CDH12: variants seen among roughly 807,000 people sequenced by gnomAD.
CDH12 encodes the protein cadherin 12.
Under a neutral mutation model 74.1 loss-of-function variants are expected in CDH12, and 41 were observed. The observed-to-expected ratio is 0.55, with a 90% confidence interval of 0.43 to 0.72. The LOEUF is 0.72. CDH12 is among the 30% of genes least tolerant of loss of function. The probability of loss-of-function intolerance (pLI) is 0.00; values close to 1 mark genes in which losing one functional copy is unlikely to be tolerated. For synonymous variants in CDH12, 399 were observed against 355.0 expected, an observed-to-expected ratio of 1.12 and a Z score of -1.39; for missense variants, 945 against 977.2, an observed-to-expected ratio of 0.97 and a Z score of 0.44.
intron 1 of CDH12, among the ~76,000 whole-genome samples, chr5:22,833,621 T>A (rs1242626433): frequency 6.6e-6 from 1 of 152,168 alleles, no homozygotes; most frequent in African/African-American, 2.4e-5. Context: ...GAAAACTAGG[T>A]CATGGTTTCT....
At chr5:22,225,530 C>A (rs539287840) in intron 3 of CDH12, among the ~76,000 whole-genome samples, 6 of 152,166 alleles carry the variant, frequency 3.9e-5, no homozygotes, top group African/African-American at 9.6e-5. Context: ...TAAGACAATC[C>A]TACTGTTTTT....
chr5:22,510,195 C>T (rs750132263), intron 1 of CDH12, among the ~76,000 whole-genome samples: 18 of 152,000 alleles, frequency 1.2e-4, no homozygotes, highest in South Asian at 2.1e-4. Context: ...GCATGTCAAA[C>T]ACATAACAAA....
At chr5:22,246,500 T>G (rs2150384432) in intron 3 of CDH12, among the ~76,000 whole-genome samples, 1 of 152,286 alleles carries the variant, frequency 6.6e-6, no homozygotes, top group Middle Eastern at 3.4e-3. Context: ...AAGAAAATGA[T>G]AATACATTTA....
At chr5:22,262,891 T>G (rs1490408449) in intron 3 of CDH12, among the ~76,000 whole-genome samples, 2 of 151,698 alleles carry the variant, frequency 1.3e-5, no homozygotes, top group African/African-American at 4.8e-5. Context: ...ACCATCAGAG[T>G]GAACAGGCAA....
At chr5:22,037,446 G>T (rs1739268718) in intron 5 of CDH12, among the ~76,000 whole-genome samples, 1 of 152,116 alleles carries the variant, frequency 6.6e-6, no homozygotes. Context: ...AAGTATTCAG[G>T]CAACCCTTGT....
intron 6 of CDH12, chr5:21,882,459 T>C (rs1752401181): frequency 1.1e-5 from 7 of 651,304 alleles, no homozygotes; most frequent in Admixed American, 2.5e-5. Context: ...CAGATGTCTG[T>C]ATGTTCCATT....
intron 6 of CDH12, among the ~76,000 whole-genome samples, chr5:21,965,855 T>A (rs1361097509): frequency 6.6e-6 from 1 of 152,142 alleles, no homozygotes; most frequent in Non-Finnish European, 1.5e-5. Flanking sequence ...TAATCCAATA[T>A]CGAGTTGTTC....
At chr5:21,908,844 T>C (rs1313993975) in intron 6 of CDH12, among the ~76,000 whole-genome samples, 1 of 152,162 alleles carries the variant, frequency 6.6e-6, no homozygotes, top group Non-Finnish European at 1.5e-5. Flanking sequence ...TGGTGTTGGC[T>C]GGTTGTTTGC....
chr5:22,130,491 G>T (rs1241692856), intron 4 of CDH12, among the ~76,000 whole-genome samples: 1 of 152,016 alleles, frequency 6.6e-6, no homozygotes, highest in African/African-American at 2.4e-5. Context: ...TAAAAATAAA[G>T]GTTCTGTTTA....
At chr5:22,554,972 G>A (rs943366946) in intron 1 of CDH12, among the ~76,000 whole-genome samples, 8 of 152,048 alleles carry the variant, frequency 5.3e-5, no homozygotes, top group Middle Eastern at 3.2e-3. Flanking sequence ...TTTACCCAAA[G>A]AGCATGAAGA....
At chr5:22,050,877 AT>A (rs1740309299) in intron 5 of CDH12, among the ~76,000 whole-genome samples, 2 of 152,148 alleles carry the variant, frequency 1.3e-5, no homozygotes, top group African/African-American at 4.8e-5. Flanking sequence ...GATCTTAAAA[AT>A]AACATGTTAA....
chr5:21,937,265 A>G (rs191387058), intron 6 of CDH12, among the ~76,000 whole-genome samples: 6 of 152,198 alleles, frequency 3.9e-5, no homozygotes, highest in Admixed American at 2.6e-4. Context: ...GGGGGATTTT[A>G]CTCTAGGAAT....
chr5:22,345,235 C>G (rs966680971), intron 3 of CDH12, among the ~76,000 whole-genome samples: 1 of 151,940 alleles, frequency 6.6e-6, no homozygotes, highest in East Asian at 1.9e-4. Context: ...GCTGATGATT[C>G]ATGCTGAGAT....
At chr5:22,751,882 C>T (rs1390623845) in intron 1 of CDH12, among the ~76,000 whole-genome samples, 1 of 152,174 alleles carries the variant, frequency 6.6e-6, no homozygotes, top group Non-Finnish European at 1.5e-5. Flanking sequence ...TATATAACCA[C>T]TGTTTGAAGA....
chr5:22,832,974 A>G (rs1411662005), intron 1 of CDH12, among the ~76,000 whole-genome samples: 2 of 152,154 alleles, frequency 1.3e-5, no homozygotes, highest in African/African-American at 4.8e-5. Context: ...CAAAAATTTC[A>G]TTTTCAAAAT....
intron 1 of CDH12, among the ~76,000 whole-genome samples, chr5:22,512,206 T>A (rs1736641908): frequency 6.6e-6 from 1 of 152,120 alleles, no homozygotes; most frequent in South Asian, 2.1e-4. Flanking sequence ...AACAAAAGAC[T>A]ATATTAAGTG....
intron 1 of CDH12, among the ~76,000 whole-genome samples, chr5:22,771,130 T>A (rs934312660): frequency 6.6e-5 from 10 of 152,132 alleles, no homozygotes; most frequent in Admixed American, 3.3e-4. Flanking sequence ...GACTACTGAC[T>A]GTTCCAAAAA....
intron 1 of CDH12, among the ~76,000 whole-genome samples, chr5:22,740,638 C>A (rs914902260): frequency 5.3e-5 from 8 of 151,854 alleles, no homozygotes; most frequent in African/African-American, 1.9e-4. Flanking sequence ...ACAACTTATT[C>A]TAAATGAGGA....
intron 6 of CDH12, among the ~76,000 whole-genome samples, chr5:21,963,685 T>C (rs1172053916): frequency 6.6e-6 from 1 of 152,114 alleles, no homozygotes; most frequent in Non-Finnish European, 1.5e-5. Flanking sequence ...CTTCAGAAAT[T>C]GCTTATTCTT....
Sources: allele counts gnomAD v4.1 joint callset (sites outside exome capture counted in the v4.1 genomes callset), GRCh38; gene constraint gnomAD v4.1.1; transcripts MANE v1.5; gene names NCBI Gene and HGNC (gene_info 2026-07-23, HGNC 2026-07-21).